ITGA8: variants seen among roughly 807,000 people sequenced by gnomAD.
ITGA8 encodes the protein integrin subunit alpha 8, also known as integrin alpha-8.
Under a neutral mutation model 142.3 loss-of-function variants are expected in ITGA8, and 91 were observed. The observed-to-expected ratio is 0.64, with a 90% CI of 0.54 to 0.76. ITGA8 has a LOEUF of 0.76. Among genes scored for constraint, ITGA8 ranks in the 30% least tolerant of loss-of-function variants. The pLI, the probability that ITGA8 is intolerant of heterozygous loss-of-function variation, is 0.00. For missense variants in ITGA8, 1,406 were observed against 1,327.7 expected, an observed-to-expected ratio of 1.06 and a Z score of -0.92; for synonymous variants, 505 against 485.2, an observed-to-expected ratio of 1.04 and a Z score of -0.54.
intron 2 of ITGA8, among the ~76,000 whole-genome samples, chr10:15,716,653 A>G (rs1282397151): frequency 6.7e-6 from 1 of 149,370 alleles, no homozygotes; most frequent in African/African-American, 2.5e-5. Flanking sequence ...ATGAACTTGG[A>G]AAATATAACC....
rs748955062 is a variant in ITGA8 at position 15,684,135 on chromosome 10, A to G, written c.445-8T>C. 3.1e-6 allele frequency: 5 copies of G among 1,599,430 alleles called. No individual in the cohort carries two copies. The highest frequency in any genetic ancestry group is 4.3e-6 in the Non-Finnish European group (5 of 1,176,320). On this transcript the variant is annotated splice_polypyrimidine_tract_variant and splice_region_variant and intron_variant, in intron 3 of 29. Transcript: ENST00000378076. ...ATATAAAGGAGCACAGGCCTAGGAA[A>G]CATCAAAGACAAAAAAATACATTTT...
intron 21 of ITGA8, among the ~76,000 whole-genome samples, chr10:15,594,686 G>T (rs1832984196): frequency 6.6e-6 from 1 of 152,136 alleles, no homozygotes; most frequent in Non-Finnish European, 1.5e-5. Flanking sequence ...GGAGGCTGAG[G>T]CAGGAGAATC....
chr10:15,637,498 CTT>C (rs1833791376), intron 13 of ITGA8, among the ~76,000 whole-genome samples: 1 of 141,320 alleles, frequency 7.1e-6, no homozygotes, highest in Non-Finnish European at 1.5e-5. Context: ...CTCACAGACT[CTT>C]TAAATTTTTT....
At chr10:15,556,924 T>C (rs1033516414) in intron 26 of ITGA8, among the ~76,000 whole-genome samples, 4 of 152,228 alleles carry the variant, frequency 2.6e-5, no homozygotes, top group Non-Finnish European at 5.9e-5. Context: ...AGAATGTGCA[T>C]GCAGCTTCCT....
intron 13 of ITGA8, among the ~76,000 whole-genome samples, chr10:15,625,451 G>A (rs1240525606): frequency 2.4e-5 from 3 of 127,476 alleles, no homozygotes; most frequent in Non-Finnish European, 5.4e-5. Context: ...TGTGCCGTCT[G>A]TGCAATTGCT....
chr10:15,525,645 C>CAA (rs374326483), intron 28 of ITGA8, among the ~76,000 whole-genome samples: 41,481 of 63,706 alleles, frequency 0.65, 15,029 homozygotes, highest in Non-Finnish European at 0.78. Context: ...AACTCCATCT[C>CAA]AAAAAAAAAA....
intron 2 of ITGA8, among the ~76,000 whole-genome samples, chr10:15,702,207 A>G (rs1430032952): frequency 6.6e-6 from 1 of 152,106 alleles, no homozygotes; most frequent in African/African-American, 2.4e-5. Context: ...ATATACAAAT[A>G]TGTGCATGCT....
chr10:15,692,752 C>T (rs1588728618), intron 2 of ITGA8, among the ~76,000 whole-genome samples: 2 of 152,314 alleles, frequency 1.3e-5, no homozygotes, highest in East Asian at 3.9e-4. Flanking sequence ...CCAATTATAA[C>T]ACACTTTAGT....
chr10:15,661,047 G>A, intron 8 of ITGA8, 125 bp from the exon 9 acceptor site: 1 of 859,108 alleles, frequency 1.2e-6, no homozygotes, highest in Non-Finnish European at 1.9e-6. Flanking sequence ...ACAGAGCAGG[G>A]GTCCCCAAGC....
chr10:15,646,210 C>T (rs1191174423), intron 12 of ITGA8, among the ~76,000 whole-genome samples: 4 of 152,142 alleles, frequency 2.6e-5, no homozygotes, highest in African/African-American at 9.7e-5. Context: ...TTTGTATTAA[C>T]TTTGGCTTTA....
intron 21 of ITGA8, among the ~76,000 whole-genome samples, chr10:15,595,503 C>T (rs1832997127): frequency 2.0e-5 from 3 of 152,174 alleles, no homozygotes; most frequent in African/African-American, 4.8e-5. Flanking sequence ...ACTTCCCTGA[C>T]TTCTAAAGAC....
chr10:15,597,244 A>G lies in ITGA8; in HGVS notation c.2174T>C (p.Val725Ala). The change falls in exon 21 of 30, where the codon GTG (valine) becomes GCG (alanine). Residue 725 changes from valine (V) to alanine (A), a missense_variant. By Grantham distance (64) the Val-to-Ala change is moderately conservative. Coordinates refer to ENST00000378076, the MANE Select transcript of ITGA8 (RefSeq NM_003638.3). Reference sequence around the variant, plus strand: ...CACCATAGGGTTCCCAAGGTCACACACCACCATCCTGGTTACATTTTCCAT... The same window carrying G: ...CACCATAGGGTTCCCAAGGTCACACGCCACCATCCTGGTTACATTTTCCAT... ...YKMENVTRMV[V>A]CDLGNPMVSG... 2 of 1,613,986 alleles carry G rather than the reference A, an allele frequency of 1.2e-6. No homozygotes were observed. The highest frequency in any genetic ancestry group is 1.7e-6 in the Non-Finnish European group (2 of 1,179,928).
chr10:15,681,672 C>T (rs781718110), intron 4 of ITGA8, among the ~76,000 whole-genome samples: 4 of 152,140 alleles, frequency 2.6e-5, no homozygotes, highest in Non-Finnish European at 5.9e-5. Context: ...AAATATCATC[C>T]TTCAAGGCAG....
intron 13 of ITGA8, among the ~76,000 whole-genome samples, chr10:15,628,127 C>CG (rs1588684500): frequency 6.6e-6 from 1 of 151,860 alleles, no homozygotes; most frequent in African/African-American, 2.4e-5. Context: ...CCTCAGTTCT[C>CG]GGAATTACCC....
At chr10:15,583,381 G>C (rs1834449661) in intron 23 of ITGA8, among the ~76,000 whole-genome samples, 1 of 152,154 alleles carries the variant, frequency 6.6e-6, no homozygotes, top group South Asian at 2.1e-4. Context: ...GGGGGCTAGG[G>C]AAGGGATAGC....
intron 24 of ITGA8, among the ~76,000 whole-genome samples, chr10:15,573,414 C>CT (rs55987735): frequency 0.35 from 52,235 of 148,406 alleles, 10,156 homozygotes; most frequent in Non-Finnish European, 0.46. Context: ...TATTTGACAG[C>CT]TTTTTTTTTT....
At chr10:15,548,098 A>AT (rs1213511861) in intron 27 of ITGA8, among the ~76,000 whole-genome samples, 48 of 147,220 alleles carry the variant, frequency 3.3e-4, no homozygotes, top group East Asian at 7.9e-4. Flanking sequence ...TCAAGTTTTA[A>AT]TTTTTTTTTT....
intron 23 of ITGA8, among the ~76,000 whole-genome samples, chr10:15,582,979 A>G (rs1564361382): frequency 6.6e-6 from 1 of 152,368 alleles, no homozygotes; most frequent in Non-Finnish European, 1.5e-5. Flanking sequence ...TTTATTCTTC[A>G]TAGCTCAAAC....
At chr10:15,578,759 A>G (rs917104864) in intron 23 of ITGA8, among the ~76,000 whole-genome samples, 1 of 152,024 alleles carries the variant, frequency 6.6e-6, no homozygotes, top group South Asian at 2.1e-4. Flanking sequence ...TACCCATTCA[A>G]TCCTGATTAT....
Sources: allele counts gnomAD v4.1 joint callset (sites outside exome capture counted in the v4.1 genomes callset), GRCh38; gene constraint gnomAD v4.1.1; transcripts MANE v1.5; gene names NCBI Gene and HGNC (gene_info 2026-07-23, HGNC 2026-07-21).